Variants in KDM4A observed in about 807,000 individuals in gnomAD.
KDM4A encodes lysine demethylase 4A.
KDM4A carries 23 observed loss-of-function variants against 127.1 expected under a neutral mutation model. The ratio of observed to expected loss-of-function variants is 0.18; its 90% confidence interval spans 0.13 to 0.26. KDM4A has a LOEUF of 0.26. Among genes scored for constraint, KDM4A ranks in the 10% least tolerant of loss-of-function variants. The probability of loss-of-function intolerance (pLI) is 1.00; values close to 1 mark genes in which losing one functional copy is unlikely to be tolerated. For synonymous variants in KDM4A, 443 were observed against 466.5 expected, an observed-to-expected ratio of 0.95 and a Z score of 0.65; for missense variants, 890 against 1,329.1, an observed-to-expected ratio of 0.67 and a Z score of 5.14.
At chr1:43,670,644 A>T (rs553041317) in intron 10 of KDM4A, among the ~76,000 whole-genome samples, 9 of 145,248 alleles carry the variant, frequency 6.2e-5, no homozygotes, top group Non-Finnish European at 1.2e-4. Context: ...GCTCACTGCA[A>T]CCTCCGCCTC....
At chr1:43,658,995 A>G (rs1350398222) in intron 3 of KDM4A, among the ~76,000 whole-genome samples, 5 of 151,944 alleles carry the variant, frequency 3.3e-5, no homozygotes, top group Non-Finnish European at 4.4e-5. Flanking sequence ...GTATTAAGCT[A>G]AAGAGTATAG....
At chr1:43,666,402 C>A in intron 6 of KDM4A, 50 bp from the exon 7 acceptor site, 1 of 1,443,286 alleles carries the variant, frequency 6.9e-7, no homozygotes, top group Non-Finnish European at 9.7e-7. Context: ...TCCAGGATTG[C>A]GGAGCTAGTG....
At chr1:43,683,428 C>T (rs967363399) in intron 11 of KDM4A, among the ~76,000 whole-genome samples, 3 of 152,200 alleles carry the variant, frequency 2.0e-5, no homozygotes, top group African/African-American at 4.8e-5. Flanking sequence ...TTTTGGTACA[C>T]TGGTTTCAGG....
chr1:43,692,136 A>G, intron 15 of KDM4A, 120 bp from the exon 16 acceptor site: 1 of 901,738 alleles, frequency 1.1e-6, no homozygotes, highest in Non-Finnish European at 1.8e-6. Flanking sequence ...GTGAAGCCCC[A>G]CATGCTATTA....
In KDM4A at chr1:43,694,510, C is replaced by T. The variant is rs967001773; in HGVS notation, c.2485-199C>T. On this transcript the variant is annotated intron_variant, in intron 17 of 21. Transcript: ENST00000372396. The surrounding 1 kb of genome is among the most constrained non-coding windows in gnomAD (Gnocchi z 5.2). ...CAGCCTGGGTGACAGAGCAAGACTC[C>T]GTCTCAAAAAAAAAAAAAAAAAAAT... 7.2e-5 allele frequency among the ~76,000 whole-genome samples: 10 copies of T among 138,878 alleles called. No individual in the cohort carries two copies. The highest frequency in any genetic ancestry group is 2.2e-4 in the African/African-American group (8 of 36,408). The allele number at this position is 138,878 out of a possible 152,430, so 91.1% of individuals were successfully genotyped here.
rs1661093748 is a variant in KDM4A at position 43,690,900 on chromosome 1, A to G, written c.2093A>G (p.Gln698Arg). 1.9e-6 allele frequency: 3 copies of G among 1,614,258 alleles called. No individual in the cohort carries two copies. Among genetic ancestry groups the G allele is most frequent in the Non-Finnish European group, 2.5e-6 (3 of 1,180,040 alleles). The change falls in exon 14 of 22, where the codon CAG becomes CGG. Residue 698 changes from glutamine (Q) to arginine (R), a missense_variant. Coordinates refer to ENST00000372396, the MANE Select transcript of KDM4A (RefSeq NM_014663.3). ...NCGNASDLAP[Q>R]KQRTKPLIPE... ...GGAAATGCTTCAGATTTAGCCCCCC[A>G]GAAGCAGAGGACCAAGCCATTGATT...
chr1:43,689,202 C>A, intron 13 of KDM4A, 107 bp downstream of exon 13: 2 of 1,120,796 alleles, frequency 1.8e-6, no homozygotes, highest in Non-Finnish European at 2.6e-6. Flanking sequence ...GAAAGGCCAC[C>A]TCCACCCCCA....
chr1:43,691,003 C>T lies in KDM4A; in HGVS notation c.2196C>T (p.Thr732=), dbSNP rs367752645. ...LSTPYLEEDG[T]SILVSCKKCS... ...CTCCTTATCTTGAGGAGGATGGCAC[C>T]AGCATACTCGTTTCCTGCAAGAAGT... The change falls in exon 14 of 22, where the codon ACC becomes ACT. Residue 732 remains threonine, a synonymous_variant. Coordinates refer to ENST00000372396, the MANE Select transcript of KDM4A (RefSeq NM_014663.3). 4.3e-6 allele frequency: 7 copies of T among 1,614,058 alleles called. No homozygotes were observed. In the African/African-American group the frequency reaches 9.3e-5, roughly 22 times the overall value.
chr1:43,671,468 G>A (rs1660615844), intron 10 of KDM4A, 37 bp from the exon 11 acceptor site: 7 of 1,500,582 alleles, frequency 4.7e-6, no homozygotes, highest in Middle Eastern at 1.8e-4. Flanking sequence ...ATGTGCAGGA[G>A]GAACTTGGCT....
chr1:43,656,683 C>G (rs566479427), intron 3 of KDM4A, among the ~76,000 whole-genome samples: 1 of 151,532 alleles, frequency 6.6e-6, no homozygotes, highest in East Asian at 1.9e-4. Flanking sequence ...TCCTGAGATT[C>G]ACAGAGAATA....
chr1:43,661,048 T>C (rs1168750286), intron 4 of KDM4A, among the ~76,000 whole-genome samples: 3 of 151,968 alleles, frequency 2.0e-5, no homozygotes, highest in Non-Finnish European at 4.4e-5. Flanking sequence ...GATCTCAGCT[T>C]ACCGCAACCT....
intron 10 of KDM4A, among the ~76,000 whole-genome samples, chr1:43,670,394 T>C (rs1354297810): frequency 6.6e-6 from 1 of 152,144 alleles, no homozygotes; most frequent in African/African-American, 2.4e-5. Flanking sequence ...ATTTGTCTTG[T>C]ACAACATAAT....
At chr1:43,677,116 G>C (rs561785475) in intron 11 of KDM4A, among the ~76,000 whole-genome samples, 5 of 152,140 alleles carry the variant, frequency 3.3e-5, no homozygotes, top group African/African-American at 1.2e-4. Flanking sequence ...GAGGCCGAGG[G>C]GGTGGATCAT....
At chr1:43,677,031 C>T (rs1435040481) in intron 11 of KDM4A, among the ~76,000 whole-genome samples, 2 of 152,146 alleles carry the variant, frequency 1.3e-5, no homozygotes, top group African/African-American at 4.8e-5. Flanking sequence ...TTCCCTACTT[C>T]AGTGTGTATC....
chr1:43,703,767 G>A, intron 20 of KDM4A, 31 bp downstream of exon 20: 2 of 1,612,976 alleles, frequency 1.2e-6, no homozygotes, highest in South Asian at 2.2e-5. Context: ...CTAGGGAGTG[G>A]GGGGTGCTTG....
At position 43,704,388 on chromosome 1, in the gene KDM4A, G is replaced by A. The variant is rs1321154258; in HGVS notation, c.*18G>A. 5 of 1,608,710 alleles carry A rather than the reference G, an allele frequency of 3.1e-6. No homozygotes were observed. The African/African-American group carries it at 4.0e-5, about 13-fold the overall frequency. On this transcript the variant is annotated 3_prime_UTR_variant, in exon 22 of 22. Coordinates refer to ENST00000372396, the MANE Select transcript of KDM4A (RefSeq NM_014663.3). ...TGGAGTAGGTGCTTCCAGGGTCCAA[G>A]GGATTCTCAGCCATCCAGGCAAGAG...
intron 1 of KDM4A, among the ~76,000 whole-genome samples, chr1:43,651,024 A>G (rs1464305430): frequency 6.6e-6 from 1 of 152,216 alleles, no homozygotes; most frequent in Non-Finnish European, 1.5e-5. Flanking sequence ...GTTTTTCAAC[A>G]GTTACCGATT....
intron 19 of KDM4A, among the ~76,000 whole-genome samples, chr1:43,700,511 TTTTG>T (rs199923595): frequency 0.014 from 2,066 of 152,112 alleles, 52 homozygotes; most frequent in African/African-American, 0.048. Flanking sequence ...TAACAACTTT[TTTTG>T]TTTGTTTGTT....
chr1:43,679,551 T>C (rs903421586), intron 11 of KDM4A, among the ~76,000 whole-genome samples: 1 of 152,166 alleles, frequency 6.6e-6, no homozygotes, highest in Non-Finnish European at 1.5e-5. Context: ...AGCTGTAATC[T>C]GGGCTGCCTG....
Sources: allele counts gnomAD v4.1 joint callset (sites outside exome capture counted in the v4.1 genomes callset), GRCh38; gene constraint gnomAD v4.1.1; non-coding constraint Gnocchi (gnomAD v3.1); transcripts MANE v1.5; gene names NCBI Gene and HGNC (gene_info 2026-07-23, HGNC 2026-07-21).